The following BBS9 variants were observed in gnomAD, a reference collection of about 807,000 sequenced individuals.
BBS9 encodes protein PTHB1.
BBS9 carries 89 observed loss-of-function variants against 117.7 expected under a neutral mutation model. The observed-to-expected ratio is 0.76, with a 90% CI of 0.64 to 0.90. The LOEUF (loss-of-function observed/expected upper bound fraction) is 0.90, where lower values mean the gene tolerates loss of function less well. BBS9 is among the 40% of genes least tolerant of loss of function. The pLI is 0.00. For synonymous variants in BBS9, 379 were observed against 370.9 expected (o/e 1.02, Z -0.25); for missense variants, 982 against 1,042.2 (o/e 0.94, Z 0.80).
chr7:33,454,217 A>T (rs941022371), intron 19 of BBS9, among the ~76,000 whole-genome samples: 5 of 152,214 alleles, frequency 3.3e-5, no homozygotes, highest in African/African-American at 9.7e-5. Context: ...CTGAAACCCA[A>T]CTTAGATTGG....
chr7:33,538,146 C>T (rs1851751642), intron 21 of BBS9, among the ~76,000 whole-genome samples: 1 of 152,160 alleles, frequency 6.6e-6, no homozygotes, highest in Admixed American at 6.5e-5. Flanking sequence ...CTTCACATGT[C>T]ATAATGGGCC....
At chr7:33,245,039 C>G (rs917771420) in intron 5 of BBS9, among the ~76,000 whole-genome samples, 2 of 152,086 alleles carry the variant, frequency 1.3e-5, no homozygotes, top group African/African-American at 2.4e-5. Context: ...TACCCAGGCT[C>G]TAATAATTAC....
chr7:33,149,150 A>G (rs906793076), intron 2 of BBS9, among the ~76,000 whole-genome samples: 1 of 152,174 alleles, frequency 6.6e-6, no homozygotes, highest in South Asian at 2.1e-4. Context: ...GGAAAAATTC[A>G]ATGTGTAGAA....
intron 19 of BBS9, among the ~76,000 whole-genome samples, chr7:33,411,011 G>GTTT (rs765425062): frequency 1.9e-3 from 182 of 96,278 alleles, no homozygotes; most frequent in Non-Finnish European, 2.8e-3. Flanking sequence ...AAATGTTGGT[G>GTTT]TTTTTTTTTT....
At chr7:33,537,453 T>G (rs1443385130) in intron 21 of BBS9, among the ~76,000 whole-genome samples, 1 of 152,254 alleles carries the variant, frequency 6.6e-6, no homozygotes, top group African/African-American at 2.4e-5. Flanking sequence ...AACTTTTTGT[T>G]GTTGTTGCAG....
chr7:33,635,591 CT>C (rs1866104898), exon 22 of BBS9, among the ~76,000 whole-genome samples: 7 of 152,224 alleles, frequency 4.6e-5, no homozygotes, highest in Admixed American at 4.6e-4. Context: ...TCTGTTGCTT[CT>C]TTCTGGAAAA....
intron 19 of BBS9, among the ~76,000 whole-genome samples, chr7:33,408,715 G>T (rs1457538208): frequency 6.6e-6 from 1 of 152,062 alleles, no homozygotes; most frequent in African/African-American, 2.4e-5. Context: ...ATTTTCCTTT[G>T]GGTCTGTACT....
chr7:33,309,632 T>C lies in BBS9; in HGVS notation c.1017-26809T>C, dbSNP rs140262816. On this transcript the variant is annotated intron_variant, in intron 9 of 22. Coordinates refer to ENST00000242067, the MANE Select transcript of BBS9 (RefSeq NM_198428.3). ...AGGTTTTTGAGAAAGAAAAGCTTGG[T>C]TTCCAGCCTGTTGAATGTATGGTGA... 4.0e-3 allele frequency among the ~76,000 whole-genome samples: 616 copies of C among 152,272 alleles called. 7 individuals are homozygous for C. The highest frequency in any genetic ancestry group is 0.014 in the African/African-American group (592 of 41,552).
chr7:33,582,627 A>G (rs949408418), intron 21 of BBS9, among the ~76,000 whole-genome samples: 2 of 151,960 alleles, frequency 1.3e-5, no homozygotes, highest in Admixed American at 1.3e-4. Context: ...TTCAGGTTCT[A>G]TTTCTACTCA....
At chr7:33,520,679 T>C (rs1488254996) in intron 20 of BBS9, among the ~76,000 whole-genome samples, 2 of 152,192 alleles carry the variant, frequency 1.3e-5, no homozygotes, top group Non-Finnish European at 2.9e-5. Flanking sequence ...TGGAAATATA[T>C]AAATAAGTGC....
At position 33,596,091 on chromosome 7, in the gene BBS9, T is replaced by C. The variant is rs150942734; in HGVS notation, c.2522-8774T>C. Reference sequence around the variant, plus strand: ...ATGCAAGTGGAGCTTAAAACCTAGATGGCAGGTTGATAGGTGCAGCAAACC... The same window carrying C: ...ATGCAAGTGGAGCTTAAAACCTAGACGGCAGGTTGATAGGTGCAGCAAACC... On this transcript the variant is annotated intron_variant, in intron 21 of 22. Transcript: ENST00000242067. Among the ~76,000 whole-genome samples the C allele has an allele frequency of 8.2e-3, 1,252 of 151,944 alleles. 4 individuals are homozygous for C. The highest frequency in any genetic ancestry group is 0.013 in the Non-Finnish European group (863 of 67,974).
chr7:33,141,664 T>C lies in BBS9; in HGVS notation c.-11-4578T>C, dbSNP rs990964743. 1.4e-4 allele frequency among the ~76,000 whole-genome samples: 21 copies of C among 152,332 alleles called. 1 individual carries two copies. The East Asian group carries it at 4.1e-3, about 29-fold the overall frequency. ...CTAAAGTTAAACTATAGATTTGATTTGGATTTTACCAGGTTTTATGTTAGA... is the reference window on the plus strand; with the variant it reads ...CTAAAGTTAAACTATAGATTTGATTCGGATTTTACCAGGTTTTATGTTAGA... On this transcript the variant is annotated intron_variant, in intron 1 of 22. Coordinates refer to ENST00000242067, the MANE Select transcript of BBS9 (RefSeq NM_198428.3).
At chr7:33,530,840 G>A (rs1054496451) in intron 20 of BBS9, among the ~76,000 whole-genome samples, 1 of 152,130 alleles carries the variant, frequency 6.6e-6, no homozygotes, top group Non-Finnish European at 1.5e-5. Flanking sequence ...ACACCTACAG[G>A]TGGGTCAATA....
chr7:33,370,230 G>A (rs1446524218), intron 17 of BBS9, among the ~76,000 whole-genome samples: 1 of 152,060 alleles, frequency 6.6e-6, no homozygotes, highest in East Asian at 1.9e-4. Context: ...GGCCAAGGTG[G>A]GAGGATCGCT....
intron 5 of BBS9, among the ~76,000 whole-genome samples, chr7:33,201,410 G>A (rs1785834480): frequency 6.6e-6 from 1 of 150,948 alleles, no homozygotes; most frequent in East Asian, 2.0e-4. Flanking sequence ...TCCAATTTTA[G>A]TATATGTGCT....
chr7:33,326,019 G>A (rs1812752488), intron 9 of BBS9, among the ~76,000 whole-genome samples: 1 of 152,082 alleles, frequency 6.6e-6, no homozygotes, highest in South Asian at 2.1e-4. Flanking sequence ...CAAGTCCCTA[G>A]GGCTCTACAA....
In BBS9 at chr7:33,160,608, A is replaced by G. The variant is rs1479282505; in HGVS notation, c.328+4906A>G. On this transcript the variant is annotated intron_variant, in intron 4 of 22. Transcript: ENST00000242067. ...TGAGAAAAAGCTGTCTATATCATGG[A>G]TACCATCTTCTTCTGGGGAGAAACT... Among the ~76,000 whole-genome samples, 2 of 152,186 alleles carry G rather than the reference A, an allele frequency of 1.3e-5. 1 individual carries two copies. Among genetic ancestry groups the G allele is most frequent in the African/African-American group, 4.8e-5 (2 of 41,456 alleles).
intron 19 of BBS9, among the ~76,000 whole-genome samples, chr7:33,459,226 T>A (rs1839088189): frequency 6.6e-6 from 1 of 152,108 alleles, no homozygotes; most frequent in Non-Finnish European, 1.5e-5. Flanking sequence ...CTGCTTGTTT[T>A]AACTATCATG....
chr7:33,211,962 T>G (rs1365272534), intron 5 of BBS9, among the ~76,000 whole-genome samples: 1 of 152,204 alleles, frequency 6.6e-6, no homozygotes, highest in Non-Finnish European at 1.5e-5. Context: ...CTCCACTGTA[T>G]ATTATTTGTT....
Sources: allele counts gnomAD v4.1 joint callset (sites outside exome capture counted in the v4.1 genomes callset), GRCh38; gene constraint gnomAD v4.1.1; transcripts MANE v1.5; gene names NCBI Gene and HGNC (gene_info 2026-07-23, HGNC 2026-07-21).